CLPX: variants seen among roughly 807,000 people sequenced by gnomAD.
The protein encoded by CLPX is caseinolytic mitochondrial matrix peptidase chaperone subunit X.
A neutral mutation model predicts 76.4 loss-of-function variants in CLPX; 34 were observed. That is an observed-to-expected ratio of 0.45 (90% CI 0.34 to 0.59). CLPX has a LOEUF of 0.59. Ranked by LOEUF, CLPX falls within the 20% of genes least tolerant of loss-of-function variation. The pLI, the probability that CLPX is intolerant of heterozygous loss-of-function variation, is 0.01. For synonymous variants in CLPX, 248 were observed against 270.9 expected (o/e 0.92, Z 0.83); for missense variants, 613 against 757.0 (o/e 0.81, Z 2.23).
chr15:65,179,025 C>A lies in CLPX; in HGVS notation c.267G>T (p.Lys89Asn), dbSNP rs2088127218. The change falls in exon 3 of 14, where the codon AAG becomes AAT. Residue 89 changes from lysine (K) to asparagine (N), a missense_variant. Lys to Asn is a moderately conservative substitution (Grantham distance 94). Transcript: ENST00000300107. ...NKKSASEGSS[K>N]KSGSGNSGKG... ...TCCCAGAATTCCCAGAGCCTGATTT[C>A]TTACTACTTCCCTCACTTGCTGATT... The A allele has an allele frequency of 2.5e-6, 4 of 1,610,894 alleles. No individual in the cohort carries two copies. In the African/African-American group the frequency reaches 4.0e-5, roughly 16 times the overall value.
chr15:65,149,465 ACT>A lies in CLPX; in HGVS notation c.*1356_*1357del. On this transcript the variant is annotated 3_prime_UTR_variant, in exon 14 of 14. Transcript: ENST00000300107. ...ACTCCAGCCTGGGTGACACAGCGAGACTCTGTCTCAAAAAAATAAAATAAAAT... is the reference window on the plus strand; with the variant it reads ...ACTCCAGCCTGGGTGACACAGCGAGACTGTCTCAAAAAAATAAAATAAAAT... 3.0e-6 allele frequency: 1 copy of A among 338,400 alleles called. No individual in the cohort carries two copies. Among genetic ancestry groups the A allele is most frequent in the South Asian group, 2.4e-5 (1 of 42,262 alleles). The allele number at this position is 338,400 out of a possible 1,614,324, so 21.0% of individuals were successfully genotyped here.
intron 3 of CLPX, among the ~76,000 whole-genome samples, chr15:65,167,034 T>G (rs1407840746): frequency 6.6e-6 from 1 of 152,222 alleles, no homozygotes; most frequent in Non-Finnish European, 1.5e-5. Flanking sequence ...AAGAAAAGAT[T>G]GCGTGAAATT....
chr15:65,162,984 C>T (rs887466674), intron 5 of CLPX, among the ~76,000 whole-genome samples: 6 of 151,974 alleles, frequency 3.9e-5, no homozygotes, highest in Non-Finnish European at 5.9e-5. Flanking sequence ...TATTTATTAC[C>T]GAGGAAAACA....
intron 10 of CLPX, 84 bp from the exon 11 acceptor site, chr15:65,155,165 C>T: frequency 1.8e-6 from 2 of 1,138,078 alleles, no homozygotes; most frequent in Non-Finnish European, 1.2e-6. Flanking sequence ...TTCATATGAT[C>T]TTTGTAACAA....
At chr15:65,163,969 A>C in intron 5 of CLPX, 60 bp downstream of exon 5, 6 of 1,456,536 alleles carry the variant, frequency 4.1e-6, no homozygotes, top group Non-Finnish European at 5.7e-6. Flanking sequence ...GAGGAGTTAC[A>C]AATAAAGATT....
chr15:65,181,177 C>T (rs1030981215), intron 1 of CLPX, among the ~76,000 whole-genome samples: 2 of 150,396 alleles, frequency 1.3e-5, no homozygotes, highest in African/African-American at 4.9e-5. Flanking sequence ...CCAGCCTGGG[C>T]AACAGAGGGA....
intron 2 of CLPX, among the ~76,000 whole-genome samples, chr15:65,179,512 T>C (rs2088135531): frequency 6.6e-6 from 1 of 152,198 alleles, no homozygotes; most frequent in African/African-American, 2.4e-5. Context: ...ACATTTTGTC[T>C]AACATATAAA....
rs748410727 is a variant in CLPX at position 65,162,612 on chromosome 15, C to T, written c.707G>A (p.Arg236Lys). The change falls in exon 6 of 14, where the codon AGA becomes AAA. Residue 236 changes from arginine to lysine, a missense_variant. This residue lies in a region of CLPX where 450 missense variants were observed against 638.6 expected (regional missense o/e 0.70). Coordinates refer to ENST00000300107, the MANE Select transcript of CLPX (RefSeq NM_006660.5). ...LEIRRREDEY[R>K]FTKLLQIAGI... ...GACCTGAAGTCACTTACTTGTAAAT[C>T]TGTACTCATCCTCCCGTCTTCTTAT... The T allele has an allele frequency of 1.3e-6, 2 of 1,584,528 alleles. No homozygotes were observed. Among genetic ancestry groups the T allele is most frequent in the South Asian group, 2.2e-5 (2 of 89,324 alleles).
intron 1 of CLPX, among the ~76,000 whole-genome samples, chr15:65,180,960 T>C (rs1034396154): frequency 6.7e-6 from 1 of 148,466 alleles, no homozygotes; most frequent in African/African-American, 2.5e-5. Context: ...TTCTTTAAGG[T>C]CAGGCGCGGT....
At chr15:65,175,958 C>T (rs547895357) in intron 3 of CLPX, among the ~76,000 whole-genome samples, 1 of 152,278 alleles carries the variant, frequency 6.6e-6, no homozygotes, top group South Asian at 2.1e-4. Flanking sequence ...TGATCATCTG[C>T]ATATTTTCTG....
At chr15:65,180,660 G>A (rs2140651479) in intron 1 of CLPX, among the ~76,000 whole-genome samples, 1 of 152,130 alleles carries the variant, frequency 6.6e-6, no homozygotes, top group East Asian at 1.9e-4. Flanking sequence ...CTAGCATTTT[G>A]GGAGGCCTAG....
At chr15:65,174,839 A>G (rs8034024) in intron 3 of CLPX, among the ~76,000 whole-genome samples, 117,568 of 152,088 alleles carry the variant, frequency 0.77, 46,509 homozygotes, top group East Asian at 1. Flanking sequence ...AGGTATAAGT[A>G]GGCCTGAGCA....
At chr15:65,181,964 A>T (rs2088179608) in intron 1 of CLPX, among the ~76,000 whole-genome samples, 1 of 151,518 alleles carries the variant, frequency 6.6e-6, no homozygotes, top group Admixed American at 6.6e-5. Flanking sequence ...TCTACTAAAA[A>T]TACAAAAAAT....
At chr15:65,179,694 T>G (rs1028909571) in intron 2 of CLPX, among the ~76,000 whole-genome samples, 3 of 152,138 alleles carry the variant, frequency 2.0e-5, no homozygotes, top group African/African-American at 7.2e-5. Flanking sequence ...AATCTGAAAT[T>G]TTTAGGTAGA....
chr15:65,177,139 G>A (rs1021329400), intron 3 of CLPX, among the ~76,000 whole-genome samples: 2 of 151,900 alleles, frequency 1.3e-5, no homozygotes, highest in African/African-American at 4.8e-5. Context: ...TGTGATTTTG[G>A]CTCACCATGA....
chr15:65,185,021 A>T, intron 1 of CLPX, 54 bp downstream of exon 1: 1 of 1,314,598 alleles, frequency 7.6e-7, no homozygotes, highest in South Asian at 1.3e-5. Context: ...ACCATTGGCC[A>T]GTCCACCCCC....
At chr15:65,154,634 C>T in intron 11 of CLPX, 148 bp downstream of exon 11, 1 of 615,254 alleles carries the variant, frequency 1.6e-6, no homozygotes, top group Non-Finnish European at 2.8e-6. Context: ...ATACAATATG[C>T]CTTCCTTGAT....
intron 3 of CLPX, among the ~76,000 whole-genome samples, chr15:65,170,591 C>G (rs546712733): frequency 2.0e-5 from 3 of 151,898 alleles, no homozygotes; most frequent in Non-Finnish European, 2.9e-5. Flanking sequence ...ATGGCGAAAC[C>G]CTGTCTTTAC....
At chr15:65,153,412 C>A in intron 12 of CLPX, 135 bp downstream of exon 12, 1 of 620,542 alleles carries the variant, frequency 1.6e-6, no homozygotes, top group Non-Finnish European at 2.8e-6. Context: ...GCCAAGATCG[C>A]ACCACTGCAC....
Sources: allele counts gnomAD v4.1 joint callset (sites outside exome capture counted in the v4.1 genomes callset), GRCh38; gene constraint gnomAD v4.1.1; regional missense constraint gnomAD v4.1.1; transcripts MANE v1.5; gene names NCBI Gene and HGNC (gene_info 2026-07-23, HGNC 2026-07-21).